The following ANKS1B variants were observed in gnomAD, a reference collection of about 807,000 sequenced individuals.
The protein encoded by ANKS1B is ankyrin repeat and sterile alpha motif domain-containing protein 1B.
In ANKS1B, 36 loss-of-function variants were observed where a neutral mutation model predicts 148.3. The ratio of observed to expected loss-of-function variants is 0.24; its 90% CI spans 0.19 to 0.32. ANKS1B has a LOEUF of 0.32. Among genes scored for constraint, ANKS1B ranks in the 10% least tolerant of loss-of-function variants. The pLI is 1.00. For synonymous variants in ANKS1B, 542 were observed against 560.8 expected (o/e 0.97, Z 0.47); for missense variants, 1,157 against 1,542.6 (o/e 0.75, Z 4.19).
intron 9 of ANKS1B, among the ~76,000 whole-genome samples, chr12:99,523,600 C>G (rs1035761203): frequency 1.4e-5 from 2 of 142,698 alleles, no homozygotes; most frequent in Non-Finnish European, 3.0e-5. Context: ...GTTGCCCAGG[C>G]TGGAGTGCAG....
At chr12:99,020,292 T>G (rs902198265) in intron 17 of ANKS1B, among the ~76,000 whole-genome samples, 1 of 152,196 alleles carries the variant, frequency 6.6e-6, no homozygotes, top group Non-Finnish European at 1.5e-5. Flanking sequence ...TTTCTGTCTC[T>G]GTAGATTGAC....
At chr12:98,903,223 C>G (rs952969113) in intron 17 of ANKS1B, among the ~76,000 whole-genome samples, 1 of 152,012 alleles carries the variant, frequency 6.6e-6, no homozygotes, top group South Asian at 2.1e-4. Flanking sequence ...TTTTCCTGCT[C>G]AACACCCGGT....
In ANKS1B at chr12:99,731,821, T is replaced by C. The variant is rs113770399; in HGVS notation, c.1128+41101A>G. Among the ~76,000 whole-genome samples the C allele has an allele frequency of 1.2e-3, 189 of 152,266 alleles. 4 individuals are homozygous for C. Among genetic ancestry groups the C allele is most frequent in the Middle Eastern group, 3.4e-3 (1 of 294 alleles). On this transcript the variant is annotated intron_variant, in intron 8 of 26. Coordinates refer to ENST00000683438, the MANE Select transcript of ANKS1B (RefSeq NM_001352186.2). ...ATAAAAACTGTAAAACTGGGCTTCA[T>C]CAAAAATTTTTAAAGTTTGTCCTTT...
Position 98,870,286 on chromosome 12 carries a change from C to T in ANKS1B, c.2779-38150G>A, listed in dbSNP as rs372641874. Among the ~76,000 whole-genome samples the T allele has an allele frequency of 3.3e-5, 5 of 152,200 alleles. No homozygotes were observed. The East Asian group carries it at 7.7e-4, about 23-fold the overall frequency. ...ACGATTCTGGTCAGCTATGCATTCC[C>T]AGAGCAGTGGAAGGGTTCACTAGCA... On this transcript the variant is annotated intron_variant, in intron 17 of 26. Coordinates refer to ENST00000683438, the MANE Select transcript of ANKS1B (RefSeq NM_001352186.2).
At chr12:99,038,351 A>G (rs1598816077) in intron 17 of ANKS1B, among the ~76,000 whole-genome samples, 2 of 152,288 alleles carry the variant, frequency 1.3e-5, no homozygotes, top group Middle Eastern at 3.4e-3. Context: ...TTTATCTACA[A>G]TCAATATCAC....
chr12:99,581,087 T>C (rs545703811), intron 9 of ANKS1B, among the ~76,000 whole-genome samples: 2 of 152,224 alleles, frequency 1.3e-5, no homozygotes, highest in South Asian at 4.2e-4. Context: ...AAACGCAAAG[T>C]ACCTAGAACA....
chr12:99,817,276 C>T (rs1395810769), intron 2 of ANKS1B, among the ~76,000 whole-genome samples: 1 of 151,328 alleles, frequency 6.6e-6, no homozygotes, highest in African/African-American at 2.4e-5. Context: ...GTCTGTCTTC[C>T]TGTGCCTGGC....
At chr12:99,085,065 A>G (rs1409302580) in intron 15 of ANKS1B, 42 bp from the exon 16 acceptor site, 10 of 1,442,734 alleles carry the variant, frequency 6.9e-6, no homozygotes, top group Non-Finnish European at 9.6e-6. Context: ...TCAAGCATTT[A>G]TACTGTGGAT....
intron 11 of ANKS1B, among the ~76,000 whole-genome samples, chr12:99,416,058 G>T (rs1249360623): frequency 4.6e-5 from 7 of 152,066 alleles, no homozygotes; most frequent in Admixed American, 1.3e-4. Context: ...CTACCGATCT[G>T]TTATCCAGTT....
At chr12:99,739,885 T>C (rs2059935975) in intron 8 of ANKS1B, among the ~76,000 whole-genome samples, 1 of 152,182 alleles carries the variant, frequency 6.6e-6, no homozygotes, top group Non-Finnish European at 1.5e-5. Flanking sequence ...CTTCCCTCTA[T>C]CCCTTCCCTG....
intron 8 of ANKS1B, among the ~76,000 whole-genome samples, chr12:99,757,366 A>G (rs1356984246): frequency 1.8e-4 from 27 of 152,170 alleles, no homozygotes; most frequent in Admixed American, 1.8e-3. Flanking sequence ...ACTGATCATT[A>G]GAGAAACACA....
At chr12:99,727,608 T>C (rs2058736854) in intron 8 of ANKS1B, among the ~76,000 whole-genome samples, 1 of 152,044 alleles carries the variant, frequency 6.6e-6, no homozygotes, top group Admixed American at 6.5e-5. Flanking sequence ...CAAGCTACCA[T>C]TGACAATCTT....
intron 15 of ANKS1B, among the ~76,000 whole-genome samples, chr12:99,138,685 C>T (rs891781159): frequency 2.0e-5 from 3 of 152,150 alleles, no homozygotes; most frequent in Non-Finnish European, 4.4e-5. Flanking sequence ...TACATGACCC[C>T]TAGGGTTGTC....
At chr12:99,410,051 C>A (rs148344351) in intron 11 of ANKS1B, among the ~76,000 whole-genome samples, 69 of 152,330 alleles carry the variant, frequency 4.5e-4, no homozygotes, top group African/African-American at 1.5e-3. Context: ...CAAACTACAT[C>A]TTATGTGCCA....
At chr12:98,864,175 A>G (rs1242337782) in intron 17 of ANKS1B, among the ~76,000 whole-genome samples, 2 of 151,190 alleles carry the variant, frequency 1.3e-5, no homozygotes, top group Admixed American at 6.6e-5. Context: ...TTATTGATAC[A>G]TAATATTTGT....
At chr12:98,995,185 G>T (rs575853779) in intron 17 of ANKS1B, among the ~76,000 whole-genome samples, 1 of 152,160 alleles carries the variant, frequency 6.6e-6, no homozygotes, top group African/African-American at 2.4e-5. Flanking sequence ...AGTACTACCC[G>T]ACATATATTG....
chr12:98,945,423 A>G (rs1348821403), intron 17 of ANKS1B, among the ~76,000 whole-genome samples: 1 of 147,130 alleles, frequency 6.8e-6, no homozygotes, highest in Non-Finnish European at 1.5e-5. Flanking sequence ...TGAGCCCGGA[A>G]GGTGGAGTTT....
At chr12:99,951,558 T>C (rs1198889995) in intron 1 of ANKS1B, among the ~76,000 whole-genome samples, 2 of 152,052 alleles carry the variant, frequency 1.3e-5, no homozygotes, top group Non-Finnish European at 2.9e-5. Flanking sequence ...GTATCTGGGG[T>C]AGGCTGGCTG....
chr12:99,362,573 A>G (rs1317929979), intron 12 of ANKS1B, among the ~76,000 whole-genome samples: 1 of 152,020 alleles, frequency 6.6e-6, no homozygotes, highest in Non-Finnish European at 1.5e-5. Context: ...GTCATATCCA[A>G]AGTTACATAG....
Sources: allele counts gnomAD v4.1 joint callset (sites outside exome capture counted in the v4.1 genomes callset), GRCh38; gene constraint gnomAD v4.1.1; transcripts MANE v1.5; gene names NCBI Gene and HGNC (gene_info 2026-07-23, HGNC 2026-07-21).